The following XKR9 variants were observed in gnomAD, a reference collection of about 807,000 sequenced individuals.
XKR9 encodes XK-related protein 9.
XKR9 carries 32 observed loss-of-function variants against 32.0 expected under a neutral mutation model. The observed-to-expected ratio is 1.00, with a 90% confidence interval of 0.76 to 1.34. XKR9 has a LOEUF of 1.34. Ranked by LOEUF, XKR9 falls within the 40% of genes most tolerant of loss-of-function variation. XKR9 has a pLI of 0.00. For synonymous variants in XKR9, 168 were observed against 143.4 expected, an observed-to-expected ratio of 1.17 and a Z score of -1.22; for missense variants, 546 against 429.7, an observed-to-expected ratio of 1.27 and a Z score of -2.39.
At chr8:70,840,025 C>T in the XKR9 span, among the ~76,000 whole-genome samples, 1 of 152,116 alleles carries the variant, frequency 6.6e-6, no homozygotes, top group African/African-American at 2.4e-5. Flanking sequence ...TGTATACACT[C>T]TCCTAAAGGT....
At position 70,680,870 on chromosome 8, in the gene XKR9, A is replaced by G. The variant is rs940848633; in HGVS notation, c.-189A>G. On this transcript the variant is annotated 5_prime_UTR_variant, in exon 3 of 5. Coordinates refer to ENST00000408926, the MANE Select transcript of XKR9 (RefSeq NM_001011720.2). ...ACCTAGATTAGAGATTTAGAAAAGA[A>G]AGTCAAAATTAGTCACTTTAGTGTT... The G allele has an allele frequency of 3.1e-5, 15 of 478,208 alleles. No homozygotes were observed. The South Asian group carries it at 4.4e-4, about 14-fold the overall frequency. The allele number at this position is 478,208 out of a possible 1,614,324, so 29.6% of individuals were successfully genotyped here.
At chr8:70,791,818 A>G (rs1325430693), downstream of XKR9, among the ~76,000 whole-genome samples, 1 of 152,138 alleles carries the variant, frequency 6.6e-6, no homozygotes, top group Non-Finnish European at 1.5e-5. Flanking sequence ...TGGATTGTAT[A>G]AAATTCAGCA....
At chr8:70,896,480 C>T in the XKR9 span, among the ~76,000 whole-genome samples, 3 of 150,586 alleles carry the variant, frequency 2.0e-5, no homozygotes, top group African/African-American at 4.9e-5. Flanking sequence ...GGCCGACGGT[C>T]GTTTGTAGTA....
the XKR9 span, among the ~76,000 whole-genome samples, chr8:71,047,914 C>T: frequency 6.6e-6 from 1 of 152,136 alleles, no homozygotes; most frequent in Non-Finnish European, 1.5e-5. Flanking sequence ...TACTAAAAGC[C>T]ATTAGCTTTG....
the XKR9 span, among the ~76,000 whole-genome samples, chr8:70,822,250 G>T: frequency 6.6e-5 from 10 of 151,726 alleles, no homozygotes; most frequent in East Asian, 1.2e-3. Flanking sequence ...TTTTTTATCC[G>T]GGCAATAATT....
chr8:71,012,114 C>T, the XKR9 span, among the ~76,000 whole-genome samples: 3 of 152,168 alleles, frequency 2.0e-5, no homozygotes, highest in Non-Finnish European at 2.9e-5. Context: ...CAGCACTGTG[C>T]TGGGGACAGC....
At chr8:70,924,593 A>G in the XKR9 span, among the ~76,000 whole-genome samples, 1 of 152,066 alleles carries the variant, frequency 6.6e-6, no homozygotes, top group Non-Finnish European at 1.5e-5. Context: ...CTCTGTCTGG[A>G]TTCTGCTTCT....
At chr8:71,032,384 T>G in the XKR9 span, among the ~76,000 whole-genome samples, 1 of 151,582 alleles carries the variant, frequency 6.6e-6, no homozygotes, top group Non-Finnish European at 1.5e-5. Context: ...AGCTATCAAG[T>G]GTTTACCAGC....
intron 2 of XKR9, among the ~76,000 whole-genome samples, chr8:70,745,568 G>A (rs1807047224): frequency 6.6e-6 from 1 of 152,110 alleles, no homozygotes; most frequent in Non-Finnish European, 1.5e-5. Flanking sequence ...GCATTAGGTA[G>A]GGCTTGAAAT....
chr8:70,750,009 C>T (rs192512908), intron 2 of XKR9, among the ~76,000 whole-genome samples: 46 of 151,448 alleles, frequency 3.0e-4, no homozygotes, highest in East Asian at 1.7e-3. Context: ...TGTATAAATG[C>T]GTGTGTGTGT....
chr8:71,042,142 C>A, the XKR9 span, among the ~76,000 whole-genome samples: 1 of 152,126 alleles, frequency 6.6e-6, no homozygotes, highest in Admixed American at 6.5e-5. Flanking sequence ...GCTTTGAGGA[C>A]AACTTACCCT....
At chr8:70,860,582 T>TCTCCTTTTCTTCCTC in the XKR9 span, among the ~76,000 whole-genome samples, 2 of 152,032 alleles carry the variant, frequency 1.3e-5, no homozygotes, top group Admixed American at 6.6e-5. Context: ...ATTTCTTCCT[T>TCTCCTTTTCTTCCTC]CTCCTTTTCT....
At chr8:70,821,559 C>T in the XKR9 span, among the ~76,000 whole-genome samples, 6 of 152,224 alleles carry the variant, frequency 3.9e-5, no homozygotes, top group Non-Finnish European at 8.8e-5. Flanking sequence ...CCCACCCCTA[C>T]AGCAAACTTC....
downstream of XKR9, among the ~76,000 whole-genome samples, chr8:70,793,891 G>T (rs1442652978): frequency 6.6e-6 from 1 of 151,908 alleles, no homozygotes; most frequent in Non-Finnish European, 1.5e-5. Context: ...CTGTCAAAAA[G>T]TCAGTTGAAG....
downstream of XKR9, among the ~76,000 whole-genome samples, chr8:70,739,888 G>T (rs1369696016): frequency 3.3e-5 from 5 of 152,114 alleles, no homozygotes; most frequent in Admixed American, 3.3e-4. Flanking sequence ...TTTCTCTCTG[G>T]CTGCCCTTAA....
chr8:70,786,185 T>C (rs1464084292), intron 2 of XKR9, among the ~76,000 whole-genome samples: 2 of 152,206 alleles, frequency 1.3e-5, no homozygotes, highest in Non-Finnish European at 2.9e-5. Context: ...GCTTGTTTTG[T>C]GCTCTAACAT....
At chr8:70,677,328 TGTA>T (rs1257952334) in intron 2 of XKR9, among the ~76,000 whole-genome samples, 1 of 151,900 alleles carries the variant, frequency 6.6e-6, no homozygotes, top group Non-Finnish European at 1.5e-5. Flanking sequence ...GTATTTTTTT[TGTA>T]GAGGTGGGGT....
At chr8:70,980,502 T>G in the XKR9 span, among the ~76,000 whole-genome samples, 2 of 152,236 alleles carry the variant, frequency 1.3e-5, no homozygotes, top group Non-Finnish European at 2.9e-5. Context: ...TTCACTCTTT[T>G]GAGTTTATGT....
chr8:70,855,823 C>T, the XKR9 span, among the ~76,000 whole-genome samples: 2 of 152,174 alleles, frequency 1.3e-5, no homozygotes, highest in Non-Finnish European at 2.9e-5. Context: ...GGCCAATATT[C>T]AACAATCTTA....
Sources: gnomAD v4.1 joint callset for allele counts (sites outside exome capture counted in the v4.1 genomes callset) on GRCh38, gnomAD v4.1.1 for gene constraint, MANE v1.5 for transcripts, NCBI Gene and HGNC (gene_info 2026-07-23, HGNC 2026-07-21) for gene names.